Variants in CNTN5 observed in about 807,000 individuals in gnomAD.
CNTN5 encodes contactin-5.
CNTN5 carries 77 observed loss-of-function variants against 129.1 expected under a neutral mutation model. The ratio of observed to expected loss-of-function variants is 0.60; its 90% CI spans 0.50 to 0.72. CNTN5 has a LOEUF of 0.72. CNTN5 is among the 30% of genes least tolerant of loss of function. CNTN5 has a pLI of 0.00. For missense variants in CNTN5, 1,478 were observed against 1,328.8 expected, an observed-to-expected ratio of 1.11 and a Z score of -1.75; for synonymous variants, 509 against 465.6, an observed-to-expected ratio of 1.09 and a Z score of -1.20.
At chr11:100,236,393 C>A (rs1306305239) in intron 16 of CNTN5, among the ~76,000 whole-genome samples, 1 of 152,108 alleles carries the variant, frequency 6.6e-6, no homozygotes, top group African/African-American at 2.4e-5. Flanking sequence ...TGAAGTTTCC[C>A]GCCTGACTGC....
intron 2 of CNTN5, among the ~76,000 whole-genome samples, chr11:99,418,172 G>A (rs1942742914): frequency 6.6e-6 from 1 of 151,934 alleles, no homozygotes; most frequent in Non-Finnish European, 1.5e-5. Flanking sequence ...CAAAATAGTA[G>A]AGAAGAATAT....
At chr11:99,829,532 A>T (rs189119804) in intron 4 of CNTN5, among the ~76,000 whole-genome samples, 2 of 152,302 alleles carry the variant, frequency 1.3e-5, no homozygotes, top group Admixed American at 6.5e-5. Context: ...ATGGAGCAGT[A>T]CCTGGAAAGG....
At chr11:100,177,386 A>G (rs986239628) in intron 13 of CNTN5, among the ~76,000 whole-genome samples, 5 of 152,094 alleles carry the variant, frequency 3.3e-5, no homozygotes, top group African/African-American at 9.7e-5. Flanking sequence ...TTACTTGTCT[A>G]ACTCTTCCTT....
At chr11:100,132,422 G>C (rs780347893) in intron 13 of CNTN5, among the ~76,000 whole-genome samples, 1 of 152,098 alleles carries the variant, frequency 6.6e-6, no homozygotes, top group Non-Finnish European at 1.5e-5. Context: ...GATATTAATG[G>C]GGGCAGTAGG....
chr11:99,322,966 C>A (rs368684161), intron 1 of CNTN5, among the ~76,000 whole-genome samples: 1 of 152,082 alleles, frequency 6.6e-6, no homozygotes, highest in Non-Finnish European at 1.5e-5. Flanking sequence ...AATAATAAGA[C>A]AACTTACCTT....
intron 3 of CNTN5, among the ~76,000 whole-genome samples, chr11:99,620,511 T>TTA (rs201162890): frequency 7.5e-6 from 1 of 134,224 alleles, no homozygotes; most frequent in South Asian, 2.2e-4. Flanking sequence ...TTCTTTTCTT[T>TTA]TTTTTTTTTT....
chr11:100,029,502 G>C (rs1257024795), intron 9 of CNTN5, among the ~76,000 whole-genome samples: 1 of 152,038 alleles, frequency 6.6e-6, no homozygotes, highest in African/African-American at 2.4e-5. Context: ...AGAATGGCGT[G>C]AACCCAGGAG....
intron 13 of CNTN5, among the ~76,000 whole-genome samples, chr11:100,143,260 T>G (rs1465457870): frequency 6.6e-6 from 1 of 152,158 alleles, no homozygotes; most frequent in Non-Finnish European, 1.5e-5. Flanking sequence ...TGACGACATC[T>G]ATAAGGAAAC....
In CNTN5 at chr11:100,324,599, T is replaced by C. The variant is rs532043438; in HGVS notation, c.2731-15864T>C. 1.4e-4 allele frequency among the ~76,000 whole-genome samples: 22 copies of C among 152,266 alleles called. No individual in the cohort carries two copies. The East Asian group carries it at 1.7e-3, about 12-fold the overall frequency. Reference sequence around the variant, plus strand: ...CTATTCAATATTCTCTCTTTCAAAATGTTTCAATAAAGAATATGAAGAAGG... The same window carrying C: ...CTATTCAATATTCTCTCTTTCAAAACGTTTCAATAAAGAATATGAAGAAGG... On this transcript the variant is annotated intron_variant, in intron 21 of 24. Transcript: ENST00000524871.
intron 1 of CNTN5, among the ~76,000 whole-genome samples, chr11:99,291,128 A>C (rs2135919422): frequency 6.6e-6 from 1 of 152,082 alleles, no homozygotes; most frequent in Admixed American, 6.5e-5. Context: ...CAAGTGTAAT[A>C]ATCATACTAT....
At chr11:100,282,947 C>T (rs958771808) in intron 18 of CNTN5, among the ~76,000 whole-genome samples, 5 of 152,066 alleles carry the variant, frequency 3.3e-5, no homozygotes, top group South Asian at 2.1e-4. Context: ...TAGCTTTTGG[C>T]GAATGGTGCC....
intron 6 of CNTN5, among the ~76,000 whole-genome samples, chr11:99,899,041 A>G (rs892371717): frequency 6.6e-6 from 1 of 151,978 alleles, no homozygotes; most frequent in Admixed American, 6.6e-5. Context: ...TTATTAGCGT[A>G]TGGAAGTGCT....
At chr11:99,661,085 C>T (rs1244021674) in intron 3 of CNTN5, among the ~76,000 whole-genome samples, 1 of 151,958 alleles carries the variant, frequency 6.6e-6, no homozygotes, top group East Asian at 1.9e-4. Flanking sequence ...AATTCTAAAC[C>T]ATTTAAGTGT....
chr11:100,209,044 C>T (rs1485358310), intron 15 of CNTN5, among the ~76,000 whole-genome samples: 1 of 152,162 alleles, frequency 6.6e-6, no homozygotes, highest in African/African-American at 2.4e-5. Flanking sequence ...GCACGCAATG[C>T]AATTGTCTGT....
At chr11:99,514,056 A>G (rs570145610) in intron 2 of CNTN5, among the ~76,000 whole-genome samples, 4 of 152,268 alleles carry the variant, frequency 2.6e-5, no homozygotes. Context: ...TAAAATATGA[A>G]CATTAACAAG....
In CNTN5 at chr11:99,264,766, A is replaced by T. The variant is rs149465141; in HGVS notation, c.-209-60580A>T. On this transcript the variant is annotated intron_variant, in intron 1 of 24. Transcript: ENST00000524871. ...AAACTAAGAAGTTATTTTTGTGTGT[A>T]TTAGTATAAGATATTGTCCAAGAAC... Among the ~76,000 whole-genome samples, 1,131 of 152,232 alleles carry T rather than the reference A, an allele frequency of 7.4e-3. 15 individuals are homozygous for T. The highest frequency in any genetic ancestry group is 0.026 in the African/African-American group (1,076 of 41,562).
intron 2 of CNTN5, among the ~76,000 whole-genome samples, chr11:99,337,476 C>T (rs556018573): frequency 2.0e-5 from 3 of 152,138 alleles, no homozygotes; most frequent in African/African-American, 4.8e-5. Flanking sequence ...AGGGATAGGC[C>T]GAATTAATTG....
At chr11:99,377,474 C>T (rs1350336240) in intron 2 of CNTN5, among the ~76,000 whole-genome samples, 1 of 151,764 alleles carries the variant, frequency 6.6e-6, no homozygotes, top group Non-Finnish European at 1.5e-5. Flanking sequence ...TTGTATTGTC[C>T]TATAGTCGTT....
At chr11:99,983,547 T>G (rs1938483359) in intron 8 of CNTN5, among the ~76,000 whole-genome samples, 1 of 152,236 alleles carries the variant, frequency 6.6e-6, no homozygotes, top group Non-Finnish European at 1.5e-5. Context: ...CCCTTTTTGC[T>G]TGCTTACTTG....
Sources: gnomAD v4.1 joint callset for allele counts (sites outside exome capture counted in the v4.1 genomes callset) on GRCh38, gnomAD v4.1.1 for gene constraint, MANE v1.5 for transcripts, NCBI Gene and HGNC (gene_info 2026-07-23, HGNC 2026-07-21) for gene names.